The following WLS variants were observed in gnomAD, a reference collection of about 807,000 sequenced individuals.
WLS encodes the protein Wnt ligand secretion mediator.
Under a neutral mutation model 62.8 loss-of-function variants are expected in WLS, and 23 were observed. The observed-to-expected ratio is 0.37, with a 90% CI of 0.26 to 0.52. The LOEUF (loss-of-function observed/expected upper bound fraction) is 0.52, where lower values mean the gene tolerates loss of function less well. Among genes scored for constraint, WLS ranks in the 20% least tolerant of loss-of-function variants. WLS has a pLI of 0.92. For synonymous variants in WLS, 246 were observed against 244.1 expected (o/e 1.01, Z -0.07); for missense variants, 615 against 697.3 (o/e 0.88, Z 1.33).
intron 5 of WLS, 127 bp downstream of exon 5, chr1:68,153,390 G>T: frequency 8.0e-7 from 1 of 1,256,130 alleles, no homozygotes; most frequent in Non-Finnish European, 1.1e-6. Context: ...AGTCCAGGAT[G>T]ACTCCTGGTC....
intron 11 of WLS, among the ~76,000 whole-genome samples, chr1:68,136,150 G>T (rs1314222688): frequency 6.6e-6 from 1 of 152,068 alleles, no homozygotes; most frequent in Non-Finnish European, 1.5e-5. Context: ...CACGTCCCTT[G>T]ACCCCCAGCA....
chr1:68,231,435 G>T (rs1340319219), intron 1 of WLS, among the ~76,000 whole-genome samples: 1 of 152,100 alleles, frequency 6.6e-6, no homozygotes, highest in Non-Finnish European at 1.5e-5. Flanking sequence ...TAAGTAGTGG[G>T]GGAAGGGATA....
rs541858598 is a variant in WLS at position 68,128,373 on chromosome 1, A to C, written c.1517-2038T>G. Among the ~76,000 whole-genome samples, 14 of 152,332 alleles carry C rather than the reference A, an allele frequency of 9.2e-5. No homozygotes were observed. In the East Asian group the frequency reaches 2.3e-3, roughly 25 times the overall value. On this transcript the variant is annotated intron_variant, in intron 11 of 11. Transcript: ENST00000262348. Reference sequence around the variant, plus strand: ...AGCTTCACATTTCTCAGTCAAAGCTATTTCTGGATTTGCATATCTGGGCTA... The same window carrying C: ...AGCTTCACATTTCTCAGTCAAAGCTCTTTCTGGATTTGCATATCTGGGCTA...
chr1:68,099,978 TAGG>T (rs1053687332), intron 11 of WLS, among the ~76,000 whole-genome samples: 1 of 152,210 alleles, frequency 6.6e-6, no homozygotes, highest in African/African-American at 2.4e-5. Context: ...ATAAAGTTCT[TAGG>T]AGAGTATACA....
At chr1:68,111,621 C>T (rs1390511987) in intron 11 of WLS, among the ~76,000 whole-genome samples, 1 of 152,192 alleles carries the variant, frequency 6.6e-6, no homozygotes. Context: ...TGAGAAACAT[C>T]CTCTCTATAA....
intron 5 of WLS, among the ~76,000 whole-genome samples, chr1:68,150,594 C>A (rs989675103): frequency 1.3e-5 from 2 of 152,286 alleles, no homozygotes; most frequent in Middle Eastern, 3.4e-3. Context: ...ATGCCTCACA[C>A]TTTACTTTGG....
chr1:68,189,040 C>A (rs1010779449), intron 2 of WLS, among the ~76,000 whole-genome samples: 1 of 152,150 alleles, frequency 6.6e-6, no homozygotes, highest in African/African-American at 2.4e-5. Flanking sequence ...AGAAATAATT[C>A]TTAAGTTATA....
chr1:68,127,621 G>T (rs1213762531), intron 11 of WLS, among the ~76,000 whole-genome samples: 1 of 152,178 alleles, frequency 6.6e-6, no homozygotes, highest in African/African-American at 2.4e-5. Context: ...GAGGGGTGCT[G>T]GGGAATAGAA....
chr1:68,156,110 C>A (rs923620664), intron 3 of WLS, among the ~76,000 whole-genome samples: 1 of 152,048 alleles, frequency 6.6e-6, no homozygotes, highest in Admixed American at 6.6e-5. Flanking sequence ...CCAGGACTCC[C>A]GGCTGTGTAC....
At chr1:68,186,636 A>C in intron 2 of WLS, 1 of 456,244 alleles carries the variant, frequency 2.2e-6, no homozygotes, top group South Asian at 1.5e-5. Flanking sequence ...TCTTCTCTGA[A>C]GTCCTGTTCA....
chr1:68,108,638 T>C (rs969593177), intron 11 of WLS, among the ~76,000 whole-genome samples: 2 of 152,214 alleles, frequency 1.3e-5, no homozygotes, highest in Non-Finnish European at 2.9e-5. Flanking sequence ...CTTGATTCTT[T>C]TGAGATTTTT....
intron 2 of WLS, chr1:68,162,897 G>A (rs796870072): frequency 3.2e-6 from 5 of 1,556,288 alleles, no homozygotes; most frequent in Admixed American, 3.4e-5. Flanking sequence ...GATTTCCTGC[G>A]TGGACTGCGC....
At chr1:68,174,524 T>A (rs185258945) in intron 2 of WLS, among the ~76,000 whole-genome samples, 5 of 152,092 alleles carry the variant, frequency 3.3e-5, no homozygotes. Flanking sequence ...AGCATATGTG[T>A]GTGTGAGAGA....
downstream of WLS, among the ~76,000 whole-genome samples, chr1:68,123,452 G>A (rs941055368): frequency 2.6e-5 from 4 of 151,862 alleles, no homozygotes; most frequent in African/African-American, 9.7e-5. Flanking sequence ...TCTGCTTGAT[G>A]TTTTACTGCT....
intron 1 of WLS, among the ~76,000 whole-genome samples, chr1:68,212,461 T>G (rs1243474668): frequency 1.3e-5 from 2 of 152,188 alleles, no homozygotes; most frequent in Non-Finnish European, 2.9e-5. Context: ...TCCAAATCAG[T>G]GCTTTAAGGA....
intron 1 of WLS, chr1:68,202,558 T>C (rs1422890934): frequency 6.6e-6 from 1 of 152,172 alleles, no homozygotes; most frequent in Non-Finnish European, 1.5e-5. Flanking sequence ...TAAATACATA[T>C]GAAGTGAACA....
intron 11 of WLS, among the ~76,000 whole-genome samples, chr1:68,129,849 T>C (rs1360400541): frequency 6.6e-6 from 1 of 152,214 alleles, no homozygotes; most frequent in Non-Finnish European, 1.5e-5. Context: ...ATGTGATATG[T>C]GTCTTGGGGT....
chr1:68,148,307 T>C, intron 7 of WLS, 108 bp from the exon 8 acceptor site: 1 of 1,196,598 alleles, frequency 8.4e-7, no homozygotes, highest in Non-Finnish European at 1.2e-6. Context: ...GAGGGCTGTA[T>C]TTAGGCTAAA....
intron 2 of WLS, among the ~76,000 whole-genome samples, chr1:68,193,426 A>G (rs1570988880): frequency 1.8e-4 from 23 of 127,438 alleles, no homozygotes; most frequent in African/African-American, 7.1e-4. Context: ...AAAAAAAAAA[A>G]AAAAAAAAAA....
Sources: allele counts gnomAD v4.1 joint callset (sites outside exome capture counted in the v4.1 genomes callset), GRCh38; gene constraint gnomAD v4.1.1; transcripts MANE v1.5; gene names NCBI Gene and HGNC (gene_info 2026-07-23, HGNC 2026-07-21).